RASGEF1C: variants seen among roughly 807,000 people sequenced by gnomAD.
The protein encoded by RASGEF1C is ras-GEF domain-containing family member 1C.
In RASGEF1C, 27 loss-of-function variants were observed where a neutral mutation model predicts 58.1. That is an observed-to-expected ratio of 0.46 (90% CI 0.34 to 0.64). The LOEUF is 0.64. Among genes scored for constraint, RASGEF1C ranks in the 30% least tolerant of loss-of-function variants. RASGEF1C has a pLI of 0.01. For missense variants in RASGEF1C, 502 were observed against 605.1 expected, an observed-to-expected ratio of 0.83 and a Z score of 1.79; for synonymous variants, 243 against 246.3, an observed-to-expected ratio of 0.99 and a Z score of 0.13.
chr5:180,119,379 T>A lies in RASGEF1C; in HGVS notation c.874A>T (p.Ile292Phe). ...FIDVARECFNIGNFNSLMAII... is the reference protein window; with the variant it reads ...FIDVARECFNFGNFNSLMAII... ...GCCATGAGGGAGTTGAAGTTGCCGA[T>A]GTTGAAGCACTCGCGGGCCACGTCG... The change falls in exon 8 of 14, where the codon ATC becomes TTC. Residue 292 changes from isoleucine to phenylalanine, a missense_variant. Ile to Phe is a conservative substitution (Grantham distance 21, BLOSUM62 0). Transcript: ENST00000361132. The A allele has an allele frequency of 6.2e-7, 1 of 1,614,040 alleles. No homozygotes were observed. Among genetic ancestry groups the A allele is most frequent in the Non-Finnish European group, 8.5e-7 (1 of 1,179,918 alleles).
rs1408954085 is a variant in RASGEF1C, at chr5:180,143,027, GC to G, written c.-6-4970del. ...TCCATGGCTCCTGTCCCACTGCCTGGCCCCCAGCCCCTCAGGCATCTCTCCT... is the reference window on the plus strand; with the variant it reads ...TCCATGGCTCCTGTCCCACTGCCTGGCCCCAGCCCCTCAGGCATCTCTCCT... On this transcript the variant is annotated intron_variant, in intron 1 of 13. Coordinates refer to ENST00000361132, the MANE Select transcript of RASGEF1C (RefSeq NM_175062.4). This position sits in a 1 kb window ranked among gnomAD's most constrained non-coding sequence, Gnocchi z 4.3. Among the ~76,000 whole-genome samples, 2 of 152,132 alleles carry G rather than the reference GC, an allele frequency of 1.3e-5. No homozygotes were observed. Among genetic ancestry groups the G allele is most frequent in the African/African-American group, 2.4e-5 (1 of 41,420 alleles).
chr5:180,182,425 A>C (rs11249679), intron 1 of RASGEF1C, among the ~76,000 whole-genome samples: 1 of 152,042 alleles, frequency 6.6e-6, no homozygotes, highest in Non-Finnish European at 1.5e-5. Flanking sequence ...TATTGTGAAG[A>C]CCAAAAGAAC....
chr5:180,117,861 G>A (rs886983753), intron 10 of RASGEF1C, among the ~76,000 whole-genome samples: 27 of 152,076 alleles, frequency 1.8e-4, no homozygotes, highest in Non-Finnish European at 2.9e-5. Flanking sequence ...GGGCATGGTA[G>A]CATGTGCCTA....
Position 180,114,401 on chromosome 5 carries a change from T to G in RASGEF1C, c.1179+45A>C, listed in dbSNP as rs1766028532. 3 of 1,587,658 alleles carry G rather than the reference T, an allele frequency of 1.9e-6. No homozygotes were observed. The African/African-American group carries it at 4.0e-5, about 21-fold the overall frequency. On this transcript the variant is annotated intron_variant, in intron 11 of 13. Transcript: ENST00000361132. Reference sequence around the variant, plus strand: ...GCCAGTGGTCCTGCCCTGGGAACTTTTCCCGGCCTGTCTACCTCAGTGGCG... The same window carrying G: ...GCCAGTGGTCCTGCCCTGGGAACTTGTCCCGGCCTGTCTACCTCAGTGGCG...
At chr5:180,103,599 G>C (rs1465197862) in intron 12 of RASGEF1C, among the ~76,000 whole-genome samples, 1 of 152,080 alleles carries the variant, frequency 6.6e-6, no homozygotes, top group Non-Finnish European at 1.5e-5. Context: ...TAGATTCTTT[G>C]GGATTTTTTT....
intron 4 of RASGEF1C, among the ~76,000 whole-genome samples, chr5:180,129,730 A>G (rs1766331114): frequency 6.6e-6 from 1 of 152,050 alleles, no homozygotes; most frequent in Non-Finnish European, 1.5e-5. Context: ...ATCGCTGGGG[A>G]CCAGGCTCCA....
At chr5:180,160,949 A>T (rs932274411) in intron 1 of RASGEF1C, among the ~76,000 whole-genome samples, 15 of 152,226 alleles carry the variant, frequency 9.9e-5, no homozygotes, top group Middle Eastern at 3.2e-3. Context: ...AGCAAGACAG[A>T]CGACAGAAAA....
chr5:180,193,545 G>C (rs79112752), intron 1 of RASGEF1C, among the ~76,000 whole-genome samples: 12 of 152,168 alleles, frequency 7.9e-5, no homozygotes, highest in African/African-American at 2.4e-4. Flanking sequence ...AGGACCGGGG[G>C]ACTCAACAGG....
chr5:180,146,530 G>A (rs979234174), intron 1 of RASGEF1C, among the ~76,000 whole-genome samples: 3 of 151,800 alleles, frequency 2.0e-5, no homozygotes, highest in Non-Finnish European at 2.9e-5. Context: ...GTCATGAAAG[G>A]GCATTGAATT....
chr5:180,178,259 C>T (rs1304721419), intron 1 of RASGEF1C, among the ~76,000 whole-genome samples: 2 of 144,910 alleles, frequency 1.4e-5, no homozygotes, highest in African/African-American at 5.2e-5. Flanking sequence ...ACGTGTGAGC[C>T]ACTGCACCCG....
intron 1 of RASGEF1C, among the ~76,000 whole-genome samples, chr5:180,171,091 C>A (rs1456912335): frequency 6.6e-6 from 1 of 152,156 alleles, no homozygotes; most frequent in African/African-American, 2.4e-5. Flanking sequence ...CAGCCAGGCA[C>A]CCCCATCCAG....
intron 1 of RASGEF1C, among the ~76,000 whole-genome samples, chr5:180,140,319 C>G (rs1766555629): frequency 6.6e-6 from 1 of 152,190 alleles, no homozygotes; most frequent in African/African-American, 2.4e-5. Context: ...ATGGGCTTAT[C>G]CTTGTGCCGC....
chr5:180,202,949 G>A (rs1218300699), intron 1 of RASGEF1C, among the ~76,000 whole-genome samples: 8 of 151,992 alleles, frequency 5.3e-5, no homozygotes, highest in Non-Finnish European at 7.4e-5. Flanking sequence ...TGATGCACCC[G>A]CCTCGGCCTC....
intron 1 of RASGEF1C, among the ~76,000 whole-genome samples, chr5:180,152,218 G>A (rs1766757051): frequency 6.6e-6 from 1 of 151,898 alleles, no homozygotes. Context: ...CCCATTACTG[G>A]GTATATACCC....
rs1258785690 is a variant in RASGEF1C, at chr5:180,133,667, C to CT, written c.438+2710_438+2711insA. ...AAAGCCTATGTCTATGGTTTGCTTA[C>CT]AGCTAACTTGTGGGAAAGCAAAATG... On this transcript the variant is annotated intron_variant, in intron 4 of 13. Transcript: ENST00000361132. Among the ~76,000 whole-genome samples, 1,093 of 152,326 alleles carry CT rather than the reference C, an allele frequency of 7.2e-3. 12 individuals are homozygous for CT. The highest frequency in any genetic ancestry group is 0.026 in the African/African-American group (1,060 of 41,558).
At chr5:180,136,682 A>AGGAGGG in intron 3 of RASGEF1C, 167 bp from the exon 4 acceptor site, 2 of 664,400 alleles carry the variant, frequency 3.0e-6, no homozygotes, top group Non-Finnish European at 2.5e-6. Flanking sequence ...CCACGGGGAG[A>AGGAGGG]GGAGGGGGGA....
chr5:180,195,220 T>C (rs1756245254), intron 1 of RASGEF1C, among the ~76,000 whole-genome samples: 1 of 152,088 alleles, frequency 6.6e-6, no homozygotes, highest in Non-Finnish European at 1.5e-5. Context: ...TGGAGCTGAC[T>C]CCCACTGCAG....
At chr5:180,109,376 T>G (rs1582259455) in intron 12 of RASGEF1C, among the ~76,000 whole-genome samples, 1 of 152,110 alleles carries the variant, frequency 6.6e-6, no homozygotes, top group Admixed American at 6.5e-5. Flanking sequence ...GAGAATGTCG[T>G]GAACCCGGGA....
chr5:180,203,311 C>A (rs1006134349), intron 1 of RASGEF1C, among the ~76,000 whole-genome samples: 6 of 152,350 alleles, frequency 3.9e-5, no homozygotes, highest in African/African-American at 1.4e-4. Context: ...TATGTTATGA[C>A]TCTCTAGGGA....
Sources: gnomAD v4.1 joint callset for allele counts (sites outside exome capture counted in the v4.1 genomes callset) on GRCh38, gnomAD v4.1.1 for gene constraint, Gnocchi (gnomAD v3.1) non-coding constraint, MANE v1.5 for transcripts, NCBI Gene and HGNC (gene_info 2026-07-23, HGNC 2026-07-21) for gene names.